Variants in PCDH1 observed in about 807,000 individuals in gnomAD.
PCDH1 encodes the protein protocadherin 1.
In PCDH1, 23 loss-of-function variants were observed where a neutral mutation model predicts 74.6. The observed-to-expected ratio is 0.31, with a 90% CI of 0.22 to 0.44. The LOEUF (loss-of-function observed/expected upper bound fraction) is 0.44. Ranked by LOEUF, PCDH1 falls within the 20% of genes least tolerant of loss-of-function variation. The pLI is 1.00. For synonymous variants in PCDH1, 647 were observed against 686.1 expected, an observed-to-expected ratio of 0.94 and a Z score of 0.89; for missense variants, 1,214 against 1,641.4, an observed-to-expected ratio of 0.74 and a Z score of 4.50.
intron 1 of PCDH1, among the ~76,000 whole-genome samples, chr5:141,872,549 G>A (rs1407776939): frequency 6.6e-6 from 1 of 152,172 alleles, no homozygotes; most frequent in Non-Finnish European, 1.5e-5. Context: ...CCATGATCTG[G>A]CAGTCAGGGC....
chr5:141,854,183 G>A lies in PCDH1; in HGVS notation c.3573C>T (p.Tyr1191=), dbSNP rs1752231471. 2.5e-6 allele frequency: 4 copies of A among 1,609,534 alleles called. No individual in the cohort carries two copies. The highest frequency in any genetic ancestry group is 3.4e-6 in the Non-Finnish European group (4 of 1,176,936). Residue 1191 remains tyrosine (Y), a synonymous_variant, in exon 5 of 5, where the codon TAC becomes TAT. Transcript: ENST00000287008. ...CATGGCTACTGTGGGAGAAGGCACT[G>A]TAGGAGGGCAGGAGGCGCACGGGGG... The part of the protein sequence containing the change: ...KTAPVRLLPS[Y]SAFSHSSHDS...
chr5:141,861,453 T>C (rs1752562000), intron 3 of PCDH1, among the ~76,000 whole-genome samples: 1 of 151,842 alleles, frequency 6.6e-6, no homozygotes, highest in Non-Finnish European at 1.5e-5. Context: ...CCTCAGATCA[T>C]GGGAAAGAAA....
At position 141,869,043 on chromosome 5, in the gene PCDH1, G is replaced by A. The variant is rs757738085; in HGVS notation, c.429C>T (p.Leu143=). The part of the protein sequence containing the change: ...ILEFEVSITD[L]VQNGSPRLLE... ...GCAGCCGGGGGCTGCCATTCTGCAC[G>A]AGGTCTGTGATAGATACCTCAAACT... The change falls in exon 2 of 5, where the codon CTC becomes CTT. Residue 143 remains leucine, a synonymous_variant. Coordinates refer to ENST00000287008, the MANE Select transcript of PCDH1 (RefSeq NM_032420.5). The surrounding 1 kb of genome is among the most constrained non-coding windows in gnomAD (Gnocchi z 4.9). The A allele has an allele frequency of 9.4e-5, 152 of 1,613,936 alleles. No homozygotes were observed. Among genetic ancestry groups the A allele is most frequent in the Non-Finnish European group, 1.2e-4 (146 of 1,180,030 alleles).
chr5:141,864,727 G>A lies in PCDH1; in HGVS notation c.1604C>T (p.Ser535Phe), dbSNP rs775808473. 1 of 1,614,190 alleles carries A rather than the reference G, an allele frequency of 6.2e-7. No individual in the cohort carries two copies. The highest frequency in any genetic ancestry group is 1.7e-5 in the Admixed American group (1 of 60,018). Residue 535 changes from serine to phenylalanine, a missense_variant, in exon 3 of 5, where the codon TCT becomes TTT. Ser to Phe is a radical substitution (Grantham distance 155). This residue lies in a region of PCDH1 where 836 missense variants were observed against 1,182.2 expected (regional missense o/e 0.71). Transcript: ENST00000287008. This position sits in a 1 kb window ranked among gnomAD's most constrained non-coding sequence, Gnocchi z 5.9. Reference sequence around the variant, plus strand: ...GTAAACCAGCTCAGCATTAGAGCCAGAGTCAGCATCACTGGCAGTGATCTC... The same window carrying A: ...GTAAACCAGCTCAGCATTAGAGCCAAAGTCAGCATCACTGGCAGTGATCTC... Reference protein sequence around the residue: ...IAEITASDADSGSNAELVYSL... With the variant: ...IAEITASDADFGSNAELVYSL...
At position 141,862,462 on chromosome 5, in the gene PCDH1, C is replaced by T. The variant is rs752612760; in HGVS notation, c.3099+770G>A. 2.5e-4 allele frequency among the ~76,000 whole-genome samples: 38 copies of T among 151,964 alleles called. 1 individual carries two copies. Among genetic ancestry groups the T allele is most frequent in the East Asian group, 3.9e-4 (2 of 5,174 alleles). On this transcript the variant is annotated intron_variant, in intron 3 of 4. Coordinates refer to ENST00000287008, the MANE Select transcript of PCDH1 (RefSeq NM_032420.5). ...CTGGTCAGAAGGCCACTTTCCCAGA[C>T]GTGGATAGGGACATGGGGGTGGATG...
At chr5:141,873,523 T>A (rs2126832337) in intron 1 of PCDH1, among the ~76,000 whole-genome samples, 1 of 151,018 alleles carries the variant, frequency 6.6e-6, no homozygotes, top group South Asian at 2.1e-4. Context: ...CCCGGCTCAC[T>A]GCAAGCTCCG....
At position 141,869,578 on chromosome 5, in the gene PCDH1, C is replaced by G; in HGVS notation, c.41-147G>C. 2.6e-6 allele frequency: 4 copies of G among 1,535,456 alleles called. No individual in the cohort carries two copies. Among genetic ancestry groups the G allele is most frequent in the Non-Finnish European group, 3.5e-6 (4 of 1,146,904 alleles). ...TCAGTCCCAGCACAGAACCCCGATT[C>G]CAGAAACTCAGATCCCTGAATCTCA... On this transcript the variant is annotated intron_variant, in intron 1 of 4. Coordinates refer to ENST00000287008, the MANE Select transcript of PCDH1 (RefSeq NM_032420.5). The surrounding 1 kb of genome is among the most constrained non-coding windows in gnomAD (Gnocchi z 4.9).
chr5:141,864,237 G>A lies in PCDH1; in HGVS notation c.2094C>T (p.Tyr698=), dbSNP rs139461737. 1.0e-4 allele frequency: 169 copies of A among 1,609,824 alleles called. No individual in the cohort carries two copies. The highest frequency in any genetic ancestry group is 1.4e-4 in the Non-Finnish European group (163 of 1,176,610). ...CCAGCACATTGATGGTGACACCAAC[G>A]TAAGCTGAGCGAGGTGGGACGCCAC... ...VDGGVPPRSA[Y]VGVTINVLDE... Residue 698 remains tyrosine (Y), a synonymous_variant, in exon 3 of 5, where the codon TAC becomes TAT. Coordinates refer to ENST00000287008, the MANE Select transcript of PCDH1 (RefSeq NM_032420.5). The surrounding 1 kb of genome is among the most constrained non-coding windows in gnomAD (Gnocchi z 5.9).
In PCDH1 at chr5:141,869,764, C is replaced by T; in HGVS notation, c.41-333G>A. 2.0e-6 allele frequency: 2 copies of T among 985,442 alleles called. No homozygotes were observed. The highest frequency in any genetic ancestry group is 2.4e-6 in the Non-Finnish European group (2 of 829,934). 61.0% of individuals were successfully genotyped at this position (985,442 alleles called of 1,614,324 possible). A position where few individuals can be genotyped will look rare whatever the true frequency, so the allele number is the denominator to read the frequency against. The stretch of plus-strand genomic sequence containing the variant: ...CCCTCTTTCCTTCTTTTCCTCCTTG[C>T]TCTCTGCTCTGTGCTTCACCCAACA... On this transcript the variant is annotated intron_variant, in intron 1 of 4. Coordinates refer to ENST00000287008, the MANE Select transcript of PCDH1 (RefSeq NM_032420.5). The surrounding 1 kb of genome is among the most constrained non-coding windows in gnomAD (Gnocchi z 4.9).
intron 4 of PCDH1, among the ~76,000 whole-genome samples, chr5:141,855,065 A>C (rs1596543076): frequency 2.0e-5 from 3 of 151,786 alleles, no homozygotes; most frequent in Admixed American, 2.0e-4. Flanking sequence ...TCAATTTCCC[A>C]GGCTCAGGCA....
rs1382529880 is a variant in PCDH1 at position 141,864,379 on chromosome 5, A to G, written c.1952T>C (p.Val651Ala). 6.2e-7 allele frequency: 1 copy of G among 1,614,040 alleles called. No individual in the cohort carries two copies. The highest frequency in any genetic ancestry group is 2.2e-5 in the East Asian group (1 of 44,872). ...KGENAQVQLS[V>A]EQDNGDFVIQ... The stretch of plus-strand genomic sequence containing the variant: ...AACAAAGTCACCGTTGTCCTGCTCC[A>G]CTGAGAGCTGCACCTGGGCATTCTC... The change falls in exon 3 of 5, where the codon GTG (valine) becomes GCG (alanine). Residue 651 changes from valine to alanine, a missense_variant. Val to Ala is a moderately conservative substitution (Grantham distance 64, BLOSUM62 0). Around this residue, in one of 4 missense-constraint regions of PCDH1, gnomAD observed 836 missense variants for 1,182.2 expected, o/e 0.71. Coordinates refer to ENST00000287008, the MANE Select transcript of PCDH1 (RefSeq NM_032420.5). This position sits in a 1 kb window ranked among gnomAD's most constrained non-coding sequence, Gnocchi z 5.9.
chr5:141,870,353 T>C (rs1753060890), intron 1 of PCDH1, among the ~76,000 whole-genome samples: 1 of 152,178 alleles, frequency 6.6e-6, no homozygotes, highest in Admixed American at 6.5e-5. Flanking sequence ...CCTGCTGCCA[T>C]GGGCAGGTGC....
intron 1 of PCDH1, among the ~76,000 whole-genome samples, chr5:141,876,608 TAC>T (rs1753241904): frequency 6.6e-6 from 1 of 152,170 alleles, no homozygotes; most frequent in South Asian, 2.1e-4. Flanking sequence ...AATTCTGACT[TAC>T]AGAGGGTAGC....
chr5:141,853,818 A>G lies in PCDH1; in HGVS notation c.*224T>C. 1 of 412,438 alleles carries G rather than the reference A, an allele frequency of 2.4e-6. No homozygotes were observed. The highest frequency in any genetic ancestry group is 4.3e-6 in the Non-Finnish European group (1 of 233,382). The allele number at this position is 412,438 out of a possible 1,614,324, so 25.5% of individuals were successfully genotyped here. On this transcript the variant is annotated 3_prime_UTR_variant, in exon 5 of 5. Transcript: ENST00000287008. Reference sequence around the variant, plus strand: ...TTGGGCATCAGATGGGGGAAGCCCCATAAAGGGGAAGGGGCCCCTGGGGGC... The same window carrying G: ...TTGGGCATCAGATGGGGGAAGCCCCGTAAAGGGGAAGGGGCCCCTGGGGGC...
At chr5:141,859,392 C>T (rs775847559) in intron 3 of PCDH1, among the ~76,000 whole-genome samples, 3 of 152,114 alleles carry the variant, frequency 2.0e-5, no homozygotes, top group Non-Finnish European at 4.4e-5. Flanking sequence ...CTTAATGTTC[C>T]CTCTAATTTT....
At position 141,878,240 on chromosome 5, in the gene PCDH1, C is replaced by T. The variant is rs925525770; in HGVS notation, c.23G>A (p.Arg8Gln). 3 of 1,375,368 alleles carry T rather than the reference C, an allele frequency of 2.2e-6. No homozygotes were observed. The highest frequency in any genetic ancestry group is 6.1e-5 in the Admixed American group (2 of 32,918). The allele number at this position is 1,375,368 out of a possible 1,614,324, so 85.2% of individuals were successfully genotyped here. A position where few individuals can be genotyped will look rare whatever the true frequency, so the allele number is the denominator to read the frequency against. The change falls in exon 1 of 5, where the codon CGG becomes CAG. Residue 8 changes from arginine to glutamine, a missense_variant. Arg to Gln is a conservative substitution (Grantham distance 43). Transcript: ENST00000287008. The surrounding 1 kb of genome is among the most constrained non-coding windows in gnomAD (Gnocchi z 5.5). MDSGAGG[R>Q]RCPEAALLIL... ...ATCCTTACCCGCCTCCGGGCAGCGC[C>T]GGCCGCCCGCCCCGCTGTCCATGAG...
In PCDH1 at chr5:141,863,063, G is replaced by A; in HGVS notation, c.3099+169C>T. Reference sequence around the variant, plus strand: ...TTAATCTTCACTCAGCCTAATCCGTGTGCCCGGTGAGGCACTAAGGCCCCA... The same window carrying A: ...TTAATCTTCACTCAGCCTAATCCGTATGCCCGGTGAGGCACTAAGGCCCCA... On this transcript the variant is annotated intron_variant, in intron 3 of 4. Transcript: ENST00000287008. The surrounding 1 kb of genome is among the most constrained non-coding windows in gnomAD (Gnocchi z 7.5). The A allele has an allele frequency of 1.9e-5, 26 of 1,363,016 alleles. No homozygotes were observed. Among genetic ancestry groups the A allele is most frequent in the Non-Finnish European group, 2.4e-5 (25 of 1,054,472 alleles). The allele number at this position is 1,363,016 out of a possible 1,614,324, so 84.4% of individuals were successfully genotyped here.
chr5:141,858,746 C>G (rs1232705213), intron 3 of PCDH1, among the ~76,000 whole-genome samples: 3 of 152,162 alleles, frequency 2.0e-5, no homozygotes, highest in South Asian at 2.1e-4. Flanking sequence ...GTGAAAACAG[C>G]TAAGCCCAGG....
chr5:141,869,336 G>T lies in PCDH1; in HGVS notation c.136C>A (p.Leu46Met). The change falls in exon 2 of 5, where the codon CTG (leucine) becomes ATG (methionine). Residue 46 changes from leucine to methionine, a missense_variant. By Grantham distance (15) the Leu-to-Met change is conservative. This residue lies in a region of PCDH1 where 87 missense variants were observed against 87.7 expected (regional missense o/e 0.99). Coordinates refer to ENST00000287008, the MANE Select transcript of PCDH1 (RefSeq NM_032420.5). The surrounding 1 kb of genome is among the most constrained non-coding windows in gnomAD (Gnocchi z 4.9). Reference sequence around the variant, plus strand: ...GGGGATGGAGCCAGCAGGAGCAGCAGTGCTAGCAGCATGGAGGGCAGCAGT... The same window carrying T: ...GGGGATGGAGCCAGCAGGAGCAGCATTGCTAGCAGCATGGAGGGCAGCAGT... ...RLLLPSMLLA[L>M]LLLLAPSPGH... 1 of 1,598,536 alleles carries T rather than the reference G, an allele frequency of 6.3e-7. No homozygotes were observed. The highest frequency in any genetic ancestry group is 8.5e-7 in the Non-Finnish European group (1 of 1,173,828).
Sources: allele counts gnomAD v4.1 joint callset (sites outside exome capture counted in the v4.1 genomes callset), GRCh38; gene constraint gnomAD v4.1.1; regional missense constraint gnomAD v4.1.1; non-coding constraint Gnocchi (gnomAD v3.1); transcripts MANE v1.5; gene names NCBI Gene and HGNC (gene_info 2026-07-23, HGNC 2026-07-21).